Variants in F10 observed in about 807,000 individuals in gnomAD.
The protein encoded by F10 is coagulation factor X, also known as Stuart-Prower factor.
In F10, 29 loss-of-function variants were observed where a neutral mutation model predicts 37.1. The ratio of observed to expected loss-of-function variants is 0.78; its 90% CI spans 0.58 to 1.07. The LOEUF is 1.07. Ranked by LOEUF, F10 falls within the 50% of genes least tolerant of loss-of-function variation. F10 has a pLI of 0.00. For synonymous variants in F10, 262 were observed against 268.6 expected (o/e 0.98, Z 0.24); for missense variants, 539 against 667.9 (o/e 0.81, Z 2.13).
intron 2 of F10, 87 bp downstream of exon 2, chr13:113,129,699 G>T (rs961977798): frequency 3.8e-6 from 6 of 1,563,406 alleles, no homozygotes; most frequent in African/African-American, 2.7e-5. Flanking sequence ...ATCCAGGGGG[G>T]CGGCCTGGAG....
intron 2 of F10, among the ~76,000 whole-genome samples, chr13:113,136,437 G>A (rs2036478530): frequency 6.6e-6 from 1 of 150,592 alleles, no homozygotes; most frequent in Non-Finnish European, 1.5e-5. Flanking sequence ...AATGTCTATA[G>A]CAACTCTAGT....
chr13:113,126,000 G>A (rs2036366914), intron 1 of F10, among the ~76,000 whole-genome samples: 1 of 152,138 alleles, frequency 6.6e-6, no homozygotes. Flanking sequence ...GAGCCACTTG[G>A]GTATCTGTGG....
chr13:113,147,717 T>C (rs534735840), intron 7 of F10, among the ~76,000 whole-genome samples: 2 of 152,168 alleles, frequency 1.3e-5, no homozygotes, highest in Non-Finnish European at 2.9e-5. Context: ...AGCCCAGCCC[T>C]TCTCCCACTG....
intron 2 of F10, chr13:113,131,660 C>T (rs970609341): frequency 2.6e-5 from 4 of 152,210 alleles, no homozygotes; most frequent in Admixed American, 6.5e-5. Flanking sequence ...CTGAAAGTGA[C>T]TTACATCAGT....
intron 1 of F10, among the ~76,000 whole-genome samples, chr13:113,123,453 C>A (rs2036339867): frequency 6.6e-6 from 1 of 152,160 alleles, no homozygotes; most frequent in African/African-American, 2.4e-5. Context: ...CAGGTGGGGG[C>A]AGCAGGGCTG....
At chr13:113,130,041 A>G (rs1236766216) in intron 2 of F10, 1 of 318,822 alleles carries the variant, frequency 3.1e-6, no homozygotes, top group South Asian at 2.7e-5. Flanking sequence ...CACAGCCTAG[A>G]GCGCCAGCGC....
chr13:113,143,701 G>GA lies in F10; in HGVS notation c.503-150_503-149insA. ...TGCAGATCCGACCCCTGCCGACGAC[G>GA]TGGGGCCTCGCCCTGCAAGCCCGCT... On this transcript the variant is annotated intron_variant, in intron 5 of 7. Transcript: ENST00000375559. This position sits in a 1 kb window ranked among gnomAD's most constrained non-coding sequence, Gnocchi z 6.8. 7 of 1,157,466 alleles carry GA rather than the reference G, an allele frequency of 6.0e-6. No homozygotes were observed. In the Admixed American group the frequency reaches 9.7e-5, roughly 16 times the overall value. 71.7% of individuals were successfully genotyped at this position (1,157,466 alleles called of 1,614,324 possible). A position where few individuals can be genotyped will look rare whatever the true frequency, so the allele number is the denominator to read the frequency against.
intron 1 of F10, 55 bp downstream of exon 1, chr13:113,122,980 C>G: frequency 6.3e-7 from 1 of 1,580,934 alleles, no homozygotes; most frequent in Admixed American, 1.7e-5. Context: ...CAGGGAGGGG[C>G]GGCAGTTGGG....
Position 113,138,071 on chromosome 13 carries a change from G to A in F10, c.232-386G>A, listed in dbSNP as rs190095725. 2.0e-5 allele frequency among the ~76,000 whole-genome samples: 3 copies of A among 152,306 alleles called. No individual in the cohort carries two copies. In the East Asian group the frequency reaches 5.8e-4, roughly 29 times the overall value. ...CAGCAATGAATATTTTTCAGCTAAC[G>A]TAATGACTATTGACAAGCACGTGAC... is the stretch of plus-strand genomic sequence containing the variant. On this transcript the variant is annotated intron_variant, in intron 2 of 7. Transcript: ENST00000375559.
intron 1 of F10, among the ~76,000 whole-genome samples, chr13:113,126,493 G>A (rs1039785127): frequency 2.6e-5 from 4 of 152,214 alleles, no homozygotes; most frequent in Non-Finnish European, 5.9e-5. Flanking sequence ...AGAGGTCAGA[G>A]GAGGCGCAAG....
chr13:113,135,258 CAAAAG>C (rs1313098638), intron 2 of F10, among the ~76,000 whole-genome samples: 12 of 148,694 alleles, frequency 8.1e-5, no homozygotes, highest in Non-Finnish European at 1.5e-4. Context: ...AAAAAAAAAA[CAAAAG>C]AAAAGAAAGA....
chr13:113,137,478 G>A (rs1032376609), intron 2 of F10, among the ~76,000 whole-genome samples: 1 of 152,128 alleles, frequency 6.6e-6, no homozygotes, highest in Non-Finnish European at 1.5e-5. Context: ...CAAAACATTG[G>A]TTTTGCTGTG....
At chr13:113,147,042 G>A (rs2036588853) in intron 6 of F10, among the ~76,000 whole-genome samples, 1 of 152,196 alleles carries the variant, frequency 6.6e-6, no homozygotes, top group Admixed American at 6.5e-5. Context: ...GGCGTCTCCT[G>A]GTCCCAGGTA....
chr13:113,130,816 A>G (rs772408822), intron 2 of F10: 1 of 152,200 alleles, frequency 6.6e-6, no homozygotes, highest in Non-Finnish European at 1.5e-5. Context: ...TGAAGTTACA[A>G]GTTATGGCCA....
Position 113,144,138 on chromosome 13 carries a change from T to G in F10, c.747+43T>G. On this transcript the variant is annotated intron_variant, in intron 6 of 7. Transcript: ENST00000375559. The surrounding 1 kb of genome is among the most constrained non-coding windows in gnomAD (Gnocchi z 6.4). ...CCTCGGGCCTGCTGGAGAGACCACC[T>G]GTCCCGCTGTGCACCTCGGGGAGGC... is the stretch of plus-strand genomic sequence containing the variant. 1 of 1,611,702 alleles carries G rather than the reference T, an allele frequency of 6.2e-7. No individual in the cohort carries two copies. The highest frequency in any genetic ancestry group is 8.5e-7 in the Non-Finnish European group (1 of 1,179,858).
chr13:113,149,020 G>T lies in F10; in HGVS notation c.970G>T (p.Ala324Ser), dbSNP rs1248438558. Reference protein sequence around the residue: ...FTKETYDFDIAVLRLKTPITF... With the variant: ...FTKETYDFDISVLRLKTPITF... Reference sequence around the variant, plus strand: ...AAAGGAGACCTATGACTTCGACATCGCCGTGCTCCGGCTCAAGACCCCCAT... The same window carrying T: ...AAAGGAGACCTATGACTTCGACATCTCCGTGCTCCGGCTCAAGACCCCCAT... The change falls in exon 8 of 8, where the codon GCC becomes TCC. Residue 324 changes from alanine to serine, a missense_variant. By Grantham distance (99) the Ala-to-Ser change is moderately conservative. Around this residue, in one of 2 missense-constraint regions of F10, gnomAD observed 409 missense variants for 547.9 expected, o/e 0.75. Coordinates refer to ENST00000375559, the MANE Select transcript of F10 (RefSeq NM_000504.4). The surrounding 1 kb of genome is among the most constrained non-coding windows in gnomAD (Gnocchi z 7.5). 15 of 1,613,326 alleles carry T rather than the reference G, an allele frequency of 9.3e-6. No individual in the cohort carries two copies. Among genetic ancestry groups the T allele is most frequent in the Non-Finnish European group, 1.3e-5 (15 of 1,180,030 alleles).
chr13:113,139,438 TAGA>T lies in F10; in HGVS notation c.341_343del (p.Glu114del). On this transcript the variant is annotated inframe_deletion, in exon 4 of 8. Coordinates refer to ENST00000375559, the MANE Select transcript of F10 (RefSeq NM_000504.4). The surrounding 1 kb of genome is among the most constrained non-coding windows in gnomAD (Gnocchi z 5.2). The stretch of plus-strand genomic sequence containing the variant: ...CTCGGGGAATACACCTGCACCTGTT[TAGA>T]AGGATTCGAAGGCAAAAACTGTGAA... The T allele has an allele frequency of 6.2e-7, 1 of 1,613,982 alleles. No individual in the cohort carries two copies. Among genetic ancestry groups the T allele is most frequent in the Non-Finnish European group, 8.5e-7 (1 of 1,179,886 alleles).
In F10 at chr13:113,143,707, C is replaced by CGAT; in HGVS notation, c.503-144_503-143insGAT. 8 of 1,227,164 alleles carry CGAT rather than the reference C, an allele frequency of 6.5e-6. No individual in the cohort carries two copies. The Admixed American group carries it at 6.8e-5, about 10-fold the overall frequency. The allele number at this position is 1,227,164 out of a possible 1,614,324, so 76.0% of individuals were successfully genotyped here. A position where few individuals can be genotyped will look rare whatever the true frequency, so the allele number is the denominator to read the frequency against. ...TCCGACCCCTGCCGACGACGTGGGGCCTCGCCCTGCAAGCCCGCTGCCCCT... is the reference window on the plus strand; with the variant it reads ...TCCGACCCCTGCCGACGACGTGGGGCGATCTCGCCCTGCAAGCCCGCTGCCCCT... On this transcript the variant is annotated intron_variant, in intron 5 of 7. Coordinates refer to ENST00000375559, the MANE Select transcript of F10 (RefSeq NM_000504.4). The surrounding 1 kb of genome is among the most constrained non-coding windows in gnomAD (Gnocchi z 6.8).
chr13:113,129,213 G>C (rs949375754), intron 1 of F10, among the ~76,000 whole-genome samples: 1 of 152,176 alleles, frequency 6.6e-6, no homozygotes, highest in Non-Finnish European at 1.5e-5. Flanking sequence ...AGGCGTGTGG[G>C]ACCTGCTTCC....
Sources: allele counts gnomAD v4.1 joint callset (sites outside exome capture counted in the v4.1 genomes callset), GRCh38; gene constraint gnomAD v4.1.1; regional missense constraint gnomAD v4.1.1; non-coding constraint Gnocchi (gnomAD v3.1); transcripts MANE v1.5; gene names NCBI Gene and HGNC (gene_info 2026-07-23, HGNC 2026-07-21).